Variants in HAUS6 observed in about 807,000 individuals in gnomAD.
The protein encoded by HAUS6 is HAUS augmin-like complex subunit 6.
A neutral mutation model predicts 106.8 loss-of-function variants in HAUS6; 80 were observed. The observed-to-expected ratio is 0.75, with a 90% CI of 0.63 to 0.90. The LOEUF (loss-of-function observed/expected upper bound fraction) is 0.90. Ranked by LOEUF, HAUS6 falls within the 40% of genes least tolerant of loss-of-function variation. The pLI, the probability that HAUS6 is intolerant of heterozygous loss-of-function variation, is 0.00. For missense variants in HAUS6, 1,155 were observed against 1,118.1 expected (o/e 1.03, Z -0.47); for synonymous variants, 356 against 379.1 (o/e 0.94, Z 0.71).
intron 12 of HAUS6, 97 bp from the exon 13 acceptor site, chr9:19,063,677 C>T (rs1836685758): frequency 1.2e-6 from 1 of 867,606 alleles, no homozygotes; most frequent in African/African-American, 1.6e-5. Flanking sequence ...CCGTATCTGT[C>T]CGTTACGATT....
chr9:19,058,217 T>C lies in HAUS6; in HGVS notation c.2550A>G (p.Glu850=). 1 of 1,613,908 alleles carries C rather than the reference T, an allele frequency of 6.2e-7. No homozygotes were observed. ...LKKSLSKKRE[E]SYLSNSQTPE... ...GTGTTTGGGAATTCGAGAGGTAAGA[T>C]TCTTCCCTTTTCTTGGAAAGAGATT... The change falls in exon 16 of 17, where the codon GAA becomes GAG. Residue 850 remains glutamate, a synonymous_variant. Transcript: ENST00000380502.
intron 11 of HAUS6, among the ~76,000 whole-genome samples, chr9:19,076,044 G>A (rs1317831005): frequency 2.6e-5 from 4 of 151,194 alleles, no homozygotes; most frequent in Non-Finnish European, 4.4e-5. Context: ...TAGTGGGTTA[G>A]AGGGTTTTTT....
chr9:19,084,445 C>G (rs960158580), intron 7 of HAUS6, among the ~76,000 whole-genome samples: 1 of 151,946 alleles, frequency 6.6e-6, no homozygotes, highest in Non-Finnish European at 1.5e-5. Context: ...GTTACATGGA[C>G]TTGTTCACTT....
chr9:19,062,823 G>A (rs1836657389), intron 14 of HAUS6, among the ~76,000 whole-genome samples, 185 bp downstream of exon 14: 1 of 152,058 alleles, frequency 6.6e-6, no homozygotes, highest in South Asian at 2.1e-4. Flanking sequence ...ACGCCCCCAT[G>A]CTCAACTGTT....
In HAUS6 at chr9:19,102,829, A is replaced by G; in HGVS notation, c.-178T>C. 3.4e-6 allele frequency: 2 copies of G among 588,576 alleles called. No individual in the cohort carries two copies. Among genetic ancestry groups the G allele is most frequent in the Non-Finnish European group, 2.9e-6 (1 of 341,454 alleles). 36.5% of individuals were successfully genotyped at this position (588,576 alleles called of 1,614,324 possible). A position where few individuals can be genotyped will look rare whatever the true frequency, so the allele number is the denominator to read the frequency against. ...CAAAGGGCCTCACAACCTCCGGGAAATTGAGTTTCTAACGGTATAGTGCGG... is the reference window on the plus strand; with the variant it reads ...CAAAGGGCCTCACAACCTCCGGGAAGTTGAGTTTCTAACGGTATAGTGCGG... On this transcript the variant is annotated 5_prime_UTR_variant, in exon 1 of 17. Transcript: ENST00000380502.
intron 1 of HAUS6, 81 bp from the exon 2 acceptor site, chr9:19,096,850 GA>G: frequency 1.6e-6 from 1 of 620,010 alleles, no homozygotes; most frequent in Non-Finnish European, 2.8e-6. Flanking sequence ...GTAAGACTTT[GA>G]CACAAATTAA....
At chr9:19,079,220 A>T (rs1048744225) in intron 9 of HAUS6, among the ~76,000 whole-genome samples, 58 of 145,866 alleles carry the variant, frequency 4.0e-4, no homozygotes, top group African/African-American at 1.2e-3. Flanking sequence ...CCATTTTATT[A>T]TTTTTTTTTC....
chr9:19,070,062 T>C (rs1005353458), intron 12 of HAUS6, among the ~76,000 whole-genome samples, 157 bp downstream of exon 12: 3 of 152,160 alleles, frequency 2.0e-5, no homozygotes, highest in African/African-American at 4.8e-5. Context: ...CATCCAGTGA[T>C]TGGTGCGTTT....
intron 12 of HAUS6, among the ~76,000 whole-genome samples, chr9:19,065,528 G>A (rs939433021): frequency 2.6e-4 from 39 of 152,170 alleles, no homozygotes; most frequent in African/African-American, 8.7e-4. Context: ...AATCACAACC[G>A]TTTATACTAT....
At chr9:19,098,703 T>C (rs1268057092) in intron 1 of HAUS6, among the ~76,000 whole-genome samples, 2 of 147,344 alleles carry the variant, frequency 1.4e-5, no homozygotes, top group African/African-American at 5.1e-5. Flanking sequence ...GAATGGATTG[T>C]TGAGTCATAC....
chr9:19,064,691 T>C (rs548378216), intron 12 of HAUS6, among the ~76,000 whole-genome samples: 1 of 152,322 alleles, frequency 6.6e-6, no homozygotes, highest in South Asian at 2.1e-4. Context: ...TGCAAATATT[T>C]TATATCATAG....
At chr9:19,080,142 C>T (rs1050279916) in intron 9 of HAUS6, among the ~76,000 whole-genome samples, 1 of 129,218 alleles carries the variant, frequency 7.7e-6, no homozygotes, top group Admixed American at 9.0e-5. Flanking sequence ...CCATTGCACT[C>T]TAGCCTGGGC....
intron 8 of HAUS6, among the ~76,000 whole-genome samples, chr9:19,081,936 T>C (rs1837159968): frequency 6.6e-6 from 1 of 152,106 alleles, no homozygotes; most frequent in Non-Finnish European, 1.5e-5. Flanking sequence ...GTCACAACAA[T>C]ATTTTATCTT....
At chr9:19,061,737 A>G (rs1335965337) in intron 14 of HAUS6, among the ~76,000 whole-genome samples, 2 of 152,192 alleles carry the variant, frequency 1.3e-5, no homozygotes, top group Admixed American at 6.5e-5. Context: ...TGGAAGGCTG[A>G]GGTGGAAGGA....
intron 1 of HAUS6, among the ~76,000 whole-genome samples, chr9:19,101,176 T>G (rs1454058290): frequency 6.6e-6 from 1 of 152,208 alleles, no homozygotes; most frequent in Non-Finnish European, 1.5e-5. Flanking sequence ...ATTGTATAAG[T>G]GTATCAAAAT....
chr9:19,077,406 G>A (rs375556992), intron 10 of HAUS6, among the ~76,000 whole-genome samples: 2 of 152,192 alleles, frequency 1.3e-5, no homozygotes, highest in East Asian at 3.9e-4. Flanking sequence ...GTGGTGGCGG[G>A]CACCTTTAGT....
intron 1 of HAUS6, among the ~76,000 whole-genome samples, chr9:19,100,413 C>T (rs1817963232): frequency 1.3e-5 from 2 of 152,136 alleles, no homozygotes; most frequent in Admixed American, 1.3e-4. Context: ...ATGTTGAAAG[C>T]ATTTAAAGTG....
chr9:19,096,563 T>TC (rs1279073243), intron 2 of HAUS6, 111 bp downstream of exon 2: 7 of 388,860 alleles, frequency 1.8e-5, no homozygotes, highest in Non-Finnish European at 2.9e-5. Flanking sequence ...AGACTCCGTC[T>TC]CAAAAAAAAA....
At chr9:19,069,874 T>A (rs1382752899) in intron 12 of HAUS6, among the ~76,000 whole-genome samples, 1 of 152,046 alleles carries the variant, frequency 6.6e-6, no homozygotes, top group African/African-American at 2.4e-5. Context: ...GGCAGGAGGA[T>A]CACTTGAGGC....
Sources: allele counts gnomAD v4.1 joint callset (sites outside exome capture counted in the v4.1 genomes callset), GRCh38; gene constraint gnomAD v4.1.1; transcripts MANE v1.5; gene names NCBI Gene and HGNC (gene_info 2026-07-23, HGNC 2026-07-21).